The following ELL variants were observed in gnomAD, a reference collection of about 807,000 sequenced individuals.
ELL encodes RNA polymerase II elongation factor ELL.
In ELL, 18 loss-of-function variants were observed where a neutral mutation model predicts 64.0. That is an observed-to-expected ratio of 0.28 (90% CI 0.19 to 0.42). ELL has a LOEUF of 0.42. ELL is among the 10% of genes least tolerant of loss of function. The pLI, the probability that ELL is intolerant of heterozygous loss-of-function variation, is 1.00. For missense variants in ELL, 797 were observed against 870.4 expected, an observed-to-expected ratio of 0.92 and a Z score of 1.06; for synonymous variants, 399 against 376.2, an observed-to-expected ratio of 1.06 and a Z score of -0.70.
Position 18,444,678 on chromosome 19 carries a change from T to A in ELL, c.*74A>T, listed in dbSNP as rs1974371772. The A allele has an allele frequency of 2.1e-6, 3 of 1,455,122 alleles. No individual in the cohort carries two copies. The highest frequency in any genetic ancestry group is 2.8e-6 in the Non-Finnish European group (3 of 1,080,482). The allele number at this position is 1,455,122 out of a possible 1,614,324, so 90.1% of individuals were successfully genotyped here. A position where few individuals can be genotyped will look rare whatever the true frequency, so the allele number is the denominator to read the frequency against. On this transcript the variant is annotated 3_prime_UTR_variant, in exon 12 of 12. Coordinates refer to ENST00000262809, the MANE Select transcript of ELL (RefSeq NM_006532.4). The stretch of plus-strand genomic sequence containing the variant: ...AGATGAGCATCTTCCTCGGGTTTAT[T>A]TTTTTAAATAAATCCTCTCTCACCG...
chr19:18,488,903 A>T (rs778297582), intron 1 of ELL, among the ~76,000 whole-genome samples: 1 of 151,870 alleles, frequency 6.6e-6, no homozygotes, highest in Non-Finnish European at 1.5e-5. Context: ...TGACAAACTG[A>T]CTCTTCACAG....
chr19:18,493,722 C>A (rs1402261783), intron 1 of ELL, among the ~76,000 whole-genome samples: 1 of 152,178 alleles, frequency 6.6e-6, no homozygotes, highest in Admixed American at 6.5e-5. Context: ...CCCAGAAGTG[C>A]CCAGCTCCCT....
At chr19:18,461,207 C>G (rs1324834446) in intron 5 of ELL, among the ~76,000 whole-genome samples, 2 of 152,192 alleles carry the variant, frequency 1.3e-5, no homozygotes, top group Non-Finnish European at 2.9e-5. Flanking sequence ...CCAGGCTCTG[C>G]CAGGCACGTG....
Position 18,442,901 on chromosome 19 carries a change from G to A in ELL, c.*1851C>T, listed in dbSNP as rs1974324547. Reference sequence around the variant, plus strand: ...AAAAAAAAATAGTATCAATAAGTTAGACCATATTTAATCAGCTAGAACTTT... The same window carrying A: ...AAAAAAAAATAGTATCAATAAGTTAAACCATATTTAATCAGCTAGAACTTT... On this transcript the variant is annotated 3_prime_UTR_variant, in exon 12 of 12. Transcript: ENST00000262809. 8.7e-6 allele frequency: 2 copies of A among 229,442 alleles called. No individual in the cohort carries two copies. The highest frequency in any genetic ancestry group is 1.8e-4 in the South Asian group (1 of 5,508). 14.2% of individuals were successfully genotyped at this position (229,442 alleles called of 1,614,324 possible).
chr19:18,515,900 C>T (rs1028602362), intron 1 of ELL, among the ~76,000 whole-genome samples: 1 of 152,136 alleles, frequency 6.6e-6, no homozygotes, highest in Non-Finnish European at 1.5e-5. Context: ...CTGTCCCTGT[C>T]GTGAAGGGGG....
chr19:18,480,893 CA>C (rs2144941254), intron 1 of ELL, among the ~76,000 whole-genome samples: 1 of 152,280 alleles, frequency 6.6e-6, no homozygotes, highest in Admixed American at 6.5e-5. Context: ...CTCAGCCTCC[CA>C]AAGTGCCAGG....
At position 18,451,655 on chromosome 19, in the gene ELL, A is replaced by G. The variant is rs200687667; in HGVS notation, c.870-7T>C. 58 of 1,492,476 alleles carry G rather than the reference A, an allele frequency of 3.9e-5. No individual in the cohort carries two copies. In the African/African-American group the frequency reaches 7.7e-4, roughly 20 times the overall value. The allele number at this position is 1,492,476 out of a possible 1,614,324, so 92.5% of individuals were successfully genotyped here. Reference sequence around the variant, plus strand: ...CTGTGGCTGGCACAGCTTCCTGCGAAGGAGAGGCAGGGCTAGGTCAGAAGG... The same window carrying G: ...CTGTGGCTGGCACAGCTTCCTGCGAGGGAGAGGCAGGGCTAGGTCAGAAGG... On this transcript the variant is annotated splice_polypyrimidine_tract_variant and splice_region_variant and intron_variant, in intron 6 of 11. Coordinates refer to ENST00000262809, the MANE Select transcript of ELL (RefSeq NM_006532.4).
chr19:18,451,096 G>A, intron 7 of ELL, 121 bp from the exon 8 acceptor site: 1 of 1,349,268 alleles, frequency 7.4e-7, no homozygotes, highest in Admixed American at 3.2e-5. Flanking sequence ...GCCACATGGG[G>A]GCGCCCGAGC....
chr19:18,477,204 G>C (rs1975195094), intron 1 of ELL, among the ~76,000 whole-genome samples: 1 of 152,200 alleles, frequency 6.6e-6, no homozygotes, highest in African/African-American at 2.4e-5. Context: ...CTGAGACACG[G>C]AGGATCGGAA....
chr19:18,451,705 G>A (rs1974542591), intron 6 of ELL, 57 bp from the exon 7 acceptor site: 9 of 1,369,080 alleles, frequency 6.6e-6, no homozygotes, highest in African/African-American at 1.5e-5. Context: ...AGGGGCCCCA[G>A]GCCTGTATCC....
At chr19:18,445,326 A>C (rs918565019) in intron 10 of ELL, 58 bp from the exon 11 acceptor site, 2 of 1,578,926 alleles carry the variant, frequency 1.3e-6, no homozygotes, top group Middle Eastern at 1.7e-4. Flanking sequence ...CAGGAAACCC[A>C]AATTGAGTGG....
rs924914387 is a variant in ELL at position 18,443,916 on chromosome 19, G to T, written c.*836C>A. ...CAACAGTGTGGAATGAGCAGCAGCA[G>T]CAACAAATGGGAAACCGAGGACATC... On this transcript the variant is annotated 3_prime_UTR_variant, in exon 12 of 12. Coordinates refer to ENST00000262809, the MANE Select transcript of ELL (RefSeq NM_006532.4). The T allele has an allele frequency of 4.3e-6, 1 of 232,788 alleles. No individual in the cohort carries two copies. Among genetic ancestry groups the T allele is most frequent in the Non-Finnish European group, 8.5e-6 (1 of 117,756 alleles). The allele number at this position is 232,788 out of a possible 1,614,324, so 14.4% of individuals were successfully genotyped here.
At chr19:18,521,628 G>A (rs531929011) in intron 1 of ELL, among the ~76,000 whole-genome samples, 1 of 152,150 alleles carries the variant, frequency 6.6e-6, no homozygotes, top group Non-Finnish European at 1.5e-5. Context: ...GGCCAGAAAG[G>A]CCCCGGACGC....
intron 5 of ELL, among the ~76,000 whole-genome samples, 160 bp from the exon 6 acceptor site, chr19:18,458,489 T>C (rs1242813851): frequency 1.3e-5 from 2 of 152,062 alleles, no homozygotes; most frequent in African/African-American, 4.8e-5. Flanking sequence ...CGATCCGTGA[T>C]GTCTCCCACC....
Position 18,461,605 on chromosome 19 carries a change from C to T in ELL, c.717G>A (p.Lys239=), listed in dbSNP as rs1390131223. 2 of 1,605,908 alleles carry T rather than the reference C, an allele frequency of 1.2e-6. No individual in the cohort carries two copies. Among genetic ancestry groups the T allele is most frequent in the Non-Finnish European group, 1.7e-6 (2 of 1,179,202 alleles). Residue 239 remains lysine (K), a synonymous_variant, in exon 5 of 12, where the codon AAG becomes AAA. Transcript: ENST00000262809. ...LQKDGLTQAD[K]DALDGLLQQV... ...GCTGGAGGAGGCCATCCAGCGCGTC[C>T]TTGTCCGCCTGCGTCAGGCCGTCCT... is the stretch of plus-strand genomic sequence containing the variant.
At chr19:18,480,097 G>A (rs148087389) in intron 1 of ELL, among the ~76,000 whole-genome samples, 1 of 152,342 alleles carries the variant, frequency 6.6e-6, no homozygotes, top group African/African-American at 2.4e-5. Context: ...AAGCACCAGT[G>A]TCAGCACACA....
intron 1 of ELL, among the ~76,000 whole-genome samples, chr19:18,503,283 T>C (rs559122273): frequency 3.3e-5 from 5 of 151,858 alleles, no homozygotes; most frequent in African/African-American, 1.2e-4. Context: ...GGGTGATAAG[T>C]GGGATGAAAA....
rs183336401 is a variant in ELL at position 18,501,174 on chromosome 19, G to C, written c.135+20747C>G. On this transcript the variant is annotated intron_variant, in intron 1 of 11. Coordinates refer to ENST00000262809, the MANE Select transcript of ELL (RefSeq NM_006532.4). This position sits in a 1 kb window ranked among gnomAD's most constrained non-coding sequence, Gnocchi z 4.5. ...CAAGCAGCACACCTCCAGGGGCCACGTAGACAACCTGTGACACAGTGAACC... is the reference window on the plus strand; with the variant it reads ...CAAGCAGCACACCTCCAGGGGCCACCTAGACAACCTGTGACACAGTGAACC... Among the ~76,000 whole-genome samples, 1 of 152,058 alleles carries C rather than the reference G, an allele frequency of 6.6e-6. No homozygotes were observed. Among genetic ancestry groups the C allele is most frequent in the Non-Finnish European group, 1.5e-5 (1 of 67,994 alleles).
At chr19:18,478,624 T>G (rs959829420) in intron 1 of ELL, among the ~76,000 whole-genome samples, 9 of 152,178 alleles carry the variant, frequency 5.9e-5, no homozygotes, top group Non-Finnish European at 1.3e-4. Context: ...CTGGGGAGCC[T>G]GGTAGGGCCG....
Sources: gnomAD v4.1 joint callset for allele counts (sites outside exome capture counted in the v4.1 genomes callset) on GRCh38, gnomAD v4.1.1 for gene constraint, Gnocchi (gnomAD v3.1) non-coding constraint, MANE v1.5 for transcripts, NCBI Gene and HGNC (gene_info 2026-07-23, HGNC 2026-07-21) for gene names.